CNTN5: variants seen among roughly 807,000 people sequenced by gnomAD.
CNTN5 encodes the protein contactin 5.
A neutral mutation model predicts 129.1 loss-of-function variants in CNTN5; 77 were observed. The ratio of observed to expected loss-of-function variants is 0.60; its 90% CI spans 0.50 to 0.72. CNTN5 has a LOEUF of 0.72. Ranked by LOEUF, CNTN5 falls within the 30% of genes least tolerant of loss-of-function variation. The pLI is 0.00. For missense variants in CNTN5, 1,478 were observed against 1,328.8 expected (o/e 1.11, Z -1.75); for synonymous variants, 509 against 465.6 (o/e 1.09, Z -1.20).
intron 23 of CNTN5, among the ~76,000 whole-genome samples, chr11:100,342,943 T>A (rs914529664): frequency 2.6e-5 from 4 of 152,156 alleles, no homozygotes; most frequent in Admixed American, 2.6e-4. Context: ...TTTCTTAACT[T>A]CACAAATGGC....
intron 2 of CNTN5, among the ~76,000 whole-genome samples, chr11:99,554,007 C>CAT (rs1948588213): frequency 6.6e-6 from 1 of 150,754 alleles, no homozygotes; most frequent in Admixed American, 6.6e-5. Context: ...TACACACACA[C>CAT]ACACTTCTTC....
intron 1 of CNTN5, among the ~76,000 whole-genome samples, chr11:99,083,756 A>G (rs1278870817): frequency 6.6e-6 from 1 of 152,136 alleles, no homozygotes; most frequent in East Asian, 1.9e-4. Flanking sequence ...GAGGAGGTGA[A>G]TGAATTGTGG....
chr11:99,338,959 A>G (rs1284768844), intron 2 of CNTN5, among the ~76,000 whole-genome samples: 1 of 118,130 alleles, frequency 8.5e-6, no homozygotes, highest in Non-Finnish European at 1.9e-5. Flanking sequence ...TGTGATATAT[A>G]TGTGTGTGTT....
chr11:99,222,133 T>A (rs1342360777), intron 1 of CNTN5, among the ~76,000 whole-genome samples: 1 of 152,034 alleles, frequency 6.6e-6, no homozygotes, highest in Non-Finnish European at 1.5e-5. Flanking sequence ...TTGCTTGGTT[T>A]TTTATGTTGC....
At chr11:99,745,515 C>T (rs868619865) in intron 3 of CNTN5, among the ~76,000 whole-genome samples, 2 of 2,680 alleles carry the variant, frequency 7.5e-4, no homozygotes, top group Non-Finnish European at 0.056. Flanking sequence ...GCTTATATGG[C>T]AGCCTTGTAA....
At chr11:99,850,603 C>T (rs1947842925) in intron 6 of CNTN5, among the ~76,000 whole-genome samples, 1 of 151,982 alleles carries the variant, frequency 6.6e-6, no homozygotes, top group South Asian at 2.1e-4. Context: ...ATGTTTACCT[C>T]TTTCGAAAGG....
At chr11:99,978,282 G>A (rs933568114) in intron 8 of CNTN5, among the ~76,000 whole-genome samples, 1 of 152,132 alleles carries the variant, frequency 6.6e-6, no homozygotes. Context: ...TTAAAAATAA[G>A]TTTATAAAGT....
chr11:99,643,937 A>G (rs909356617), intron 3 of CNTN5, among the ~76,000 whole-genome samples: 3 of 152,202 alleles, frequency 2.0e-5, no homozygotes, highest in Non-Finnish European at 4.4e-5. Context: ...AAAAATATAA[A>G]CAATTTTTTC....
chr11:99,643,525 G>A (rs1379768635), intron 3 of CNTN5, among the ~76,000 whole-genome samples: 1 of 152,064 alleles, frequency 6.6e-6, no homozygotes, highest in Non-Finnish European at 1.5e-5. Context: ...GGTTTGTTGA[G>A]TATTATATGA....
intron 2 of CNTN5, among the ~76,000 whole-genome samples, chr11:99,350,681 G>C (rs886503584): frequency 6.6e-6 from 1 of 152,090 alleles, no homozygotes. Context: ...ACACTGTGCT[G>C]CATGAAGGAA....
At chr11:99,193,660 C>T (rs143474144) in intron 1 of CNTN5, among the ~76,000 whole-genome samples, 192 of 152,270 alleles carry the variant, frequency 1.3e-3, no homozygotes, top group East Asian at 6.2e-3. Context: ...TGGGACTTTT[C>T]GCACTCATTT....
chr11:99,634,763 T>C (rs534543021), intron 3 of CNTN5, among the ~76,000 whole-genome samples: 2 of 152,288 alleles, frequency 1.3e-5, no homozygotes, highest in Admixed American at 6.5e-5. Flanking sequence ...CTTTGTACTT[T>C]CCACAGTCAG....
At chr11:99,061,519 G>T (rs968534521) in intron 1 of CNTN5, among the ~76,000 whole-genome samples, 2 of 152,078 alleles carry the variant, frequency 1.3e-5, no homozygotes, top group African/African-American at 4.8e-5. Flanking sequence ...ACCTATTGCT[G>T]CTGTAACCAC....
intron 6 of CNTN5, among the ~76,000 whole-genome samples, chr11:99,908,879 T>A (rs918889802): frequency 1.3e-5 from 2 of 152,098 alleles, no homozygotes; most frequent in Non-Finnish European, 2.9e-5. Flanking sequence ...GTTTCTTTTT[T>A]ATAATCCCTT....
intron 3 of CNTN5, among the ~76,000 whole-genome samples, chr11:99,790,386 C>G (rs959483265): frequency 6.6e-6 from 1 of 151,872 alleles, no homozygotes; most frequent in Non-Finnish European, 1.5e-5. Context: ...TCCAGATGTA[C>G]TCAATGTTTA....
intron 2 of CNTN5, among the ~76,000 whole-genome samples, chr11:99,398,855 C>T (rs776883346): frequency 2.0e-5 from 3 of 151,730 alleles, no homozygotes; most frequent in Admixed American, 6.6e-5. Context: ...TCACCTCTCT[C>T]CCTCCTACAA....
chr11:99,684,483 T>A (rs949167908), intron 3 of CNTN5, among the ~76,000 whole-genome samples: 2 of 151,928 alleles, frequency 1.3e-5, no homozygotes, highest in Non-Finnish European at 2.9e-5. Context: ...CATTCATTCA[T>A]GCCTTATTGC....
intron 6 of CNTN5, among the ~76,000 whole-genome samples, chr11:99,847,085 C>G (rs1447325409): frequency 6.6e-6 from 1 of 152,124 alleles, no homozygotes; most frequent in African/African-American, 2.4e-5. Context: ...ATATGCTATA[C>G]AAATATTAGT....
chr11:99,023,485 T>C (rs1862976770), intron 1 of CNTN5, among the ~76,000 whole-genome samples: 1 of 152,146 alleles, frequency 6.6e-6, no homozygotes, highest in African/African-American at 2.4e-5. Context: ...GGCCAAAGCA[T>C]TTTGGAGTTT....
Sources: allele counts gnomAD v4.1 joint callset (sites outside exome capture counted in the v4.1 genomes callset), GRCh38; gene constraint gnomAD v4.1.1; transcripts MANE v1.5; gene names NCBI Gene and HGNC (gene_info 2026-07-23, HGNC 2026-07-21).